PPP2R3A: variants seen among roughly 807,000 people sequenced by gnomAD.
PPP2R3A encodes the protein protein phosphatase 2 regulatory subunit B''alpha.
PPP2R3A carries 80 observed loss-of-function variants against 106.9 expected under a neutral mutation model. The ratio of observed to expected loss-of-function variants is 0.75; its 90% CI spans 0.62 to 0.90. The LOEUF is 0.90. Among genes scored for constraint, PPP2R3A ranks in the 40% least tolerant of loss-of-function variants. PPP2R3A has a pLI of 0.00. For synonymous variants in PPP2R3A, 483 were observed against 468.3 expected, an observed-to-expected ratio of 1.03 and a Z score of -0.41; for missense variants, 1,386 against 1,350.4, an observed-to-expected ratio of 1.03 and a Z score of -0.41.
At chr3:135,990,685 C>T (rs1285252525) in intron 1 of PPP2R3A, among the ~76,000 whole-genome samples, 1 of 152,116 alleles carries the variant, frequency 6.6e-6, no homozygotes, top group Non-Finnish European at 1.5e-5. Context: ...AGATCCCGCT[C>T]ACAGTTTTGT....
At chr3:136,020,107 TTGAA>T (rs1219018665) in intron 2 of PPP2R3A, among the ~76,000 whole-genome samples, 1 of 152,038 alleles carries the variant, frequency 6.6e-6, no homozygotes, top group Non-Finnish European at 1.5e-5. Flanking sequence ...TGTTGAGTAA[TTGAA>T]TGACTATAAA....
chr3:136,063,621 C>T (rs552054480), intron 5 of PPP2R3A, among the ~76,000 whole-genome samples: 6 of 152,336 alleles, frequency 3.9e-5, no homozygotes, highest in East Asian at 1.9e-4. Flanking sequence ...TGAACAGACA[C>T]TTCTCGAAAG....
chr3:136,014,725 T>G (rs774921377), intron 2 of PPP2R3A, among the ~76,000 whole-genome samples: 1 of 152,166 alleles, frequency 6.6e-6, no homozygotes, highest in Non-Finnish European at 1.5e-5. Context: ...TAGGAGCTTT[T>G]GGATGAGTCT....
intron 13 of PPP2R3A, among the ~76,000 whole-genome samples, chr3:136,137,569 G>C (rs549251287): frequency 1.8e-4 from 4 of 21,822 alleles, no homozygotes; most frequent in Admixed American, 6.6e-4. Flanking sequence ...TGAGATGGAG[G>C]CTCGCTCTGT....
intron 10 of PPP2R3A, among the ~76,000 whole-genome samples, chr3:136,101,705 C>T (rs912024888): frequency 2.0e-5 from 3 of 152,256 alleles, no homozygotes; most frequent in African/African-American, 7.2e-5. Flanking sequence ...GGATTACAGG[C>T]ATGAGCCACC....
chr3:136,128,884 A>G (rs1029305191), intron 13 of PPP2R3A, among the ~76,000 whole-genome samples: 1 of 152,194 alleles, frequency 6.6e-6, no homozygotes, highest in African/African-American at 2.4e-5. Context: ...CCGCTCAACT[A>G]CATGGAAACT....
At chr3:136,113,289 A>G (rs558583173) in intron 13 of PPP2R3A, among the ~76,000 whole-genome samples, 1 of 152,314 alleles carries the variant, frequency 6.6e-6, no homozygotes, top group African/African-American at 2.4e-5. Context: ...GCGTGGAACA[A>G]GATTATATGG....
At chr3:135,994,662 G>A (rs1397716870) in intron 1 of PPP2R3A, among the ~76,000 whole-genome samples, 1 of 152,112 alleles carries the variant, frequency 6.6e-6, no homozygotes, top group Admixed American at 6.6e-5. Flanking sequence ...TTTGAAGATG[G>A]AGTTTGCATT....
chr3:136,013,511 T>C (rs1464652715), intron 2 of PPP2R3A, among the ~76,000 whole-genome samples: 1 of 152,038 alleles, frequency 6.6e-6, no homozygotes, highest in Non-Finnish European at 1.5e-5. Flanking sequence ...CATGCCAATA[T>C]CTACTATTTT....
At chr3:136,057,079 C>G (rs764292201) in intron 5 of PPP2R3A, among the ~76,000 whole-genome samples, 3 of 144,928 alleles carry the variant, frequency 2.1e-5, no homozygotes, top group African/African-American at 8.3e-5. Context: ...ACCCCCCCCA[C>G]ACACACCGTT....
chr3:135,977,951 T>G lies in PPP2R3A; in HGVS notation c.-441+12102T>G, dbSNP rs558094703. 3.9e-5 allele frequency among the ~76,000 whole-genome samples: 6 copies of G among 152,166 alleles called. No individual in the cohort carries two copies. In the South Asian group the frequency reaches 1.2e-3, roughly 32 times the overall value. ...CTAAGCTAAAAGCTATCCGCCTGCC[T>G]CAGCCTCCCAAAGTGCCAGGATTAC... On this transcript the variant is annotated intron_variant, in intron 1 of 13. Transcript: ENST00000264977.
Position 136,146,055 on chromosome 3 carries a change from TCCTC to T in PPP2R3A, c.*892_*895del, listed in dbSNP as rs1939109374. Reference sequence around the variant, plus strand: ...ATTCTTACTAGATAGATATATTCCTTCCTCCCAGGAGTATTAGACTAGCTAATAG... The same window carrying T: ...ATTCTTACTAGATAGATATATTCCTTCCAGGAGTATTAGACTAGCTAATAG... On this transcript the variant is annotated 3_prime_UTR_variant, in exon 14 of 14. Coordinates refer to ENST00000264977, the MANE Select transcript of PPP2R3A (RefSeq NM_002718.5). 1 of 152,130 alleles carries T rather than the reference TCCTC, an allele frequency of 6.6e-6. No homozygotes were observed. Among genetic ancestry groups the T allele is most frequent in the African/African-American group, 2.4e-5 (1 of 41,416 alleles). 9.4% of individuals were successfully genotyped at this position (152,130 alleles called of 1,614,324 possible).
chr3:136,111,709 A>C (rs1937594602), intron 13 of PPP2R3A, among the ~76,000 whole-genome samples: 1 of 152,088 alleles, frequency 6.6e-6, no homozygotes, highest in Admixed American at 6.6e-5. Flanking sequence ...TCACAGCCAA[A>C]TTCTTCCAGA....
chr3:136,066,313 A>G (rs530644108), intron 5 of PPP2R3A, among the ~76,000 whole-genome samples: 2 of 152,354 alleles, frequency 1.3e-5, no homozygotes, highest in Non-Finnish European at 2.9e-5. Flanking sequence ...TGATACCTAA[A>G]TCAGGAAAAG....
At chr3:136,043,201 T>C (rs1935350700) in intron 4 of PPP2R3A, among the ~76,000 whole-genome samples, 1 of 151,690 alleles carries the variant, frequency 6.6e-6, no homozygotes, top group Non-Finnish European at 1.5e-5. Flanking sequence ...GGCTCACGCC[T>C]GTAATCCCAG....
chr3:136,086,878 T>G (rs1316709068), intron 8 of PPP2R3A, among the ~76,000 whole-genome samples: 1 of 152,082 alleles, frequency 6.6e-6, no homozygotes, highest in East Asian at 1.9e-4. Flanking sequence ...ATCCTGAAAT[T>G]TTAGTGTGCA....
chr3:136,008,620 G>T (rs1933931023), intron 2 of PPP2R3A, among the ~76,000 whole-genome samples: 1 of 152,166 alleles, frequency 6.6e-6, no homozygotes, highest in South Asian at 2.1e-4. Context: ...AATGTAAATT[G>T]CAAGATGTAC....
intron 1 of PPP2R3A, among the ~76,000 whole-genome samples, chr3:135,992,538 T>C (rs1348662701): frequency 6.6e-6 from 1 of 152,230 alleles, no homozygotes; most frequent in Non-Finnish European, 1.5e-5. Context: ...ATAGTATGTG[T>C]AACACCGTTC....
At position 136,146,903 on chromosome 3, in the gene PPP2R3A, A is replaced by G. The variant is rs1003459361; in HGVS notation, c.*1737A>G. The G allele has an allele frequency of 3.9e-5, 6 of 152,022 alleles. No individual in the cohort carries two copies. The East Asian group carries it at 1.2e-3, about 29-fold the overall frequency. The allele number at this position is 152,022 out of a possible 1,614,324, so 9.4% of individuals were successfully genotyped here. ...AAAATACTTTTCTTAGAAGCCAGAT[A>G]TGGTTTAAATGTTTTATTATCCATA... On this transcript the variant is annotated 3_prime_UTR_variant, in exon 14 of 14. Transcript: ENST00000264977.
Sources: gnomAD v4.1 joint callset for allele counts (sites outside exome capture counted in the v4.1 genomes callset) on GRCh38, gnomAD v4.1.1 for gene constraint, MANE v1.5 for transcripts, NCBI Gene and HGNC (gene_info 2026-07-23, HGNC 2026-07-21) for gene names.